MGAT4C: variants seen among roughly 807,000 people sequenced by gnomAD.
MGAT4C encodes alpha-1,3-mannosyl-glycoprotein 4-beta-N-acetylglucosaminyltransferase C.
Under a neutral mutation model 40.1 loss-of-function variants are expected in MGAT4C, and 19 were observed. That is an observed-to-expected ratio of 0.47 (90% confidence interval 0.33 to 0.70). The LOEUF is 0.70. MGAT4C is among the 30% of genes least tolerant of loss of function. The probability of loss-of-function intolerance (pLI) is 0.02; values close to 1 mark genes in which losing one functional copy is unlikely to be tolerated. For missense variants in MGAT4C, 491 were observed against 563.2 expected (o/e 0.87, Z 1.30); for synonymous variants, 181 against 187.1 (o/e 0.97, Z 0.27).
chr12:86,478,914 G>A (rs1454681390), intron 2 of MGAT4C, among the ~76,000 whole-genome samples: 1 of 151,940 alleles, frequency 6.6e-6, no homozygotes, highest in Admixed American at 6.6e-5. Context: ...TTAAAATAAA[G>A]TCCTGAGTTA....
intron 1 of MGAT4C, among the ~76,000 whole-genome samples, chr12:86,076,607 CA>C (rs1869773246): frequency 6.6e-6 from 1 of 152,080 alleles, no homozygotes; most frequent in South Asian, 2.1e-4. Flanking sequence ...ATAATCATGG[CA>C]GGAGGCAAAA....
intron 1 of MGAT4C, among the ~76,000 whole-genome samples, chr12:86,137,742 A>G (rs1438706331): frequency 6.6e-6 from 1 of 152,136 alleles, no homozygotes; most frequent in Non-Finnish European, 1.5e-5. Flanking sequence ...CTCCCCTCCT[A>G]TGAAACTTGC....
At chr12:86,048,972 G>A (rs139708940) in intron 2 of MGAT4C, among the ~76,000 whole-genome samples, 197 of 152,028 alleles carry the variant, frequency 1.3e-3, no homozygotes, top group African/African-American at 4.5e-3. Context: ...TTTTTCAAGA[G>A]TAAGAGTAAA....
At chr12:86,413,715 A>AGG (rs1447107019) in intron 3 of MGAT4C, among the ~76,000 whole-genome samples, 2 of 152,182 alleles carry the variant, frequency 1.3e-5, no homozygotes, top group African/African-American at 4.8e-5. Flanking sequence ...GTGTTACACT[A>AGG]GGGGGTCTGC....
intron 1 of MGAT4C, among the ~76,000 whole-genome samples, chr12:86,773,025 T>G (rs1424418964): frequency 6.6e-6 from 1 of 152,104 alleles, no homozygotes; most frequent in Non-Finnish European, 1.5e-5. Flanking sequence ...GGCATACATT[T>G]GTGGGGGGCA....
chr12:86,370,051 A>G (rs1400147510), intron 3 of MGAT4C, among the ~76,000 whole-genome samples: 1 of 152,000 alleles, frequency 6.6e-6, no homozygotes, highest in Non-Finnish European at 1.5e-5. Flanking sequence ...GGCATATACC[A>G]TATATAAATA....
intron 1 of MGAT4C, among the ~76,000 whole-genome samples, chr12:86,215,398 G>C (rs534240818): frequency 6.6e-6 from 1 of 152,100 alleles, no homozygotes; most frequent in African/African-American, 2.4e-5. Flanking sequence ...TTGGCTTAAA[G>C]CTGCCCCCAC....
intron 1 of MGAT4C, among the ~76,000 whole-genome samples, chr12:86,784,937 T>A (rs147924776): frequency 0.012 from 1,837 of 152,094 alleles, 20 homozygotes; most frequent in South Asian, 0.034. Flanking sequence ...GGAAACCATA[T>A]CAGTTTCATA....
chr12:86,522,425 C>A (rs927014730), intron 2 of MGAT4C, among the ~76,000 whole-genome samples: 1 of 152,100 alleles, frequency 6.6e-6, no homozygotes, highest in African/African-American at 2.4e-5. Context: ...ATATGTTGAA[C>A]CAACTTTGCA....
chr12:86,400,663 C>CT (rs1240664445), intron 3 of MGAT4C, among the ~76,000 whole-genome samples: 8 of 152,222 alleles, frequency 5.3e-5, no homozygotes, highest in South Asian at 2.1e-4. Flanking sequence ...TTAAATTACA[C>CT]TTTTTTGTGT....
At chr12:86,626,050 AAATGTG>A (rs1409452196) in intron 2 of MGAT4C, among the ~76,000 whole-genome samples, 12 of 152,186 alleles carry the variant, frequency 7.9e-5, no homozygotes, top group Non-Finnish European at 2.9e-5. Flanking sequence ...AAAAGGATGC[AAATGTG>A]AATTAAAAGA....
intron 2 of MGAT4C, among the ~76,000 whole-genome samples, chr12:86,012,955 C>T (rs1888655431): frequency 7.3e-6 from 1 of 137,144 alleles, no homozygotes; most frequent in Non-Finnish European, 1.6e-5. Context: ...GAGGCATCAT[C>T]TCCACGAAAA....
intron 2 of MGAT4C, among the ~76,000 whole-genome samples, chr12:86,492,115 A>G (rs1489819360): frequency 6.6e-6 from 1 of 152,152 alleles, no homozygotes; most frequent in Non-Finnish European, 1.5e-5. Flanking sequence ...CTTCAAGGAG[A>G]ACTACAAACC....
chr12:86,420,153 G>C (rs895298685), intron 3 of MGAT4C, among the ~76,000 whole-genome samples: 1 of 151,870 alleles, frequency 6.6e-6, no homozygotes, highest in Non-Finnish European at 1.5e-5. Context: ...TGGGGTGGGG[G>C]AATTGCTTGA....
intron 1 of MGAT4C, among the ~76,000 whole-genome samples, chr12:86,133,029 A>AG (rs2135716553): frequency 6.6e-6 from 1 of 152,272 alleles, no homozygotes; most frequent in East Asian, 1.9e-4. Flanking sequence ...TCCTTGGGAG[A>AG]AACATCTGCT....
rs1951624036 is a variant in MGAT4C at position 86,771,021 on chromosome 12, AG to A, written c.-261-43781del. Among the ~76,000 whole-genome samples, 7 of 152,172 alleles carry A rather than the reference AG, an allele frequency of 4.6e-5. No homozygotes were observed. The South Asian group carries it at 1.2e-3, about 27-fold the overall frequency. ...ATCATTAAGTTAAAATGAGGTCATT[AG>A]GGTGAGTCCTAATTCAATATGACTG... On this transcript the variant is annotated intron_variant, in intron 1 of 7. Coordinates refer to the MGAT4C transcript ENST00000548651.
rs1173735855 is a variant in MGAT4C at position 85,964,916 on chromosome 12, C to G, written c.*14373G>C. 6.6e-6 allele frequency: 1 copy of G among 151,964 alleles called. No individual in the cohort carries two copies. The highest frequency in any genetic ancestry group is 2.4e-5 in the African/African-American group (1 of 41,356). The allele number at this position is 151,964 out of a possible 1,614,324, so 9.4% of individuals were successfully genotyped here. ...TCACTTTTATGTAAGATAGTGAGGC[C>G]CCAGAGAGCCCTCGAGAAATGCAAA... On this transcript the variant is annotated 3_prime_UTR_variant, in exon 5 of 5. Coordinates refer to ENST00000611864, the MANE Select transcript of MGAT4C (RefSeq NM_001351288.2).
chr12:86,260,855 AGG>A (rs1374779656), upstream of MGAT4C, among the ~76,000 whole-genome samples: 4 of 152,004 alleles, frequency 2.6e-5, no homozygotes, highest in African/African-American at 9.6e-5. Context: ...TAATTGCTCA[AGG>A]GACAAATTTT....
intron 2 of MGAT4C, among the ~76,000 whole-genome samples, chr12:86,551,684 C>T (rs182239593): frequency 2.0e-5 from 3 of 152,270 alleles, no homozygotes; most frequent in African/African-American, 7.2e-5. Flanking sequence ...GTGAAACAGA[C>T]CTTATGATGG....
Sources: allele counts gnomAD v4.1 joint callset (sites outside exome capture counted in the v4.1 genomes callset), GRCh38; gene constraint gnomAD v4.1.1; transcripts MANE v1.5; gene names NCBI Gene and HGNC (gene_info 2026-07-23, HGNC 2026-07-21).